The following ZNF880 variants were observed in gnomAD, a reference collection of about 807,000 sequenced individuals.
ZNF880 encodes the protein zinc finger protein LOC400713.
ZNF880 carries 12 observed loss-of-function variants against 11.8 expected under a neutral mutation model. The ratio of observed to expected loss-of-function variants is 1.02; its 90% CI spans 0.65 to 1.65. The LOEUF is 1.65. Among genes scored for constraint, ZNF880 ranks in the 40% most tolerant of loss-of-function variants. ZNF880 has a pLI of 0.00. For missense variants in ZNF880, 601 were observed against 673.9 expected (o/e 0.89, Z 1.20); for synonymous variants, 210 against 232.4 (o/e 0.90, Z 0.88).
At chr19:52,390,336 AG>A, downstream of ZNF880, 1 of 424,414 alleles carries the variant, frequency 2.4e-6, no homozygotes, top group Non-Finnish European at 4.8e-6. Context: ...CCCCAGTCCC[AG>A]GGAGGCCGTG....
downstream of ZNF880, chr19:52,390,406 T>C: frequency 2.8e-6 from 1 of 355,254 alleles, no homozygotes; most frequent in Non-Finnish European, 5.8e-6. Context: ...TTCTCCTGCC[T>C]TTTTCCTCCT....
chr19:52,370,104 G>T lies in ZNF880; in HGVS notation c.12+127G>T, dbSNP rs989583435. The T allele has an allele frequency of 9.4e-6, 12 of 1,272,370 alleles. No individual in the cohort carries two copies. The East Asian group carries it at 3.0e-4, about 32-fold the overall frequency. The allele number at this position is 1,272,370 out of a possible 1,614,324, so 78.8% of individuals were successfully genotyped here. ...GCTCCCTCCACCCCGACTAAACTCAGACGTTCTAATGAGAGTCTGGCGGTC... is the reference window on the plus strand; with the variant it reads ...GCTCCCTCCACCCCGACTAAACTCATACGTTCTAATGAGAGTCTGGCGGTC... On this transcript the variant is annotated intron_variant, in intron 1 of 3. Transcript: ENST00000422689.
intron 3 of ZNF880, among the ~76,000 whole-genome samples, chr19:52,375,724 A>G (rs1305540950): frequency 6.6e-6 from 1 of 151,426 alleles, no homozygotes; most frequent in East Asian, 2.0e-4. Flanking sequence ...ACTCCCACTT[A>G]TGAGTGAGAA....
upstream of ZNF880, among the ~76,000 whole-genome samples, chr19:52,369,633 G>C (rs1442859664): frequency 1.3e-5 from 2 of 152,040 alleles, no homozygotes; most frequent in Non-Finnish European, 2.9e-5. Context: ...TCCACCTCAT[G>C]GGCTCAAGCG....
rs1259364241 is a variant in ZNF880, at chr19:52,385,031, G to T, written c.1451G>T (p.Arg484Ile). Residue 484 changes from arginine (R) to isoleucine (I), a missense_variant, in exon 4 of 4, where the codon AGA becomes ATA. Arg to Ile is a moderately conservative substitution (Grantham distance 97). Coordinates refer to ENST00000422689, the MANE Select transcript of ZNF880 (RefSeq NM_001145434.2). ...AATTCAAACCTTGCAAATCATCACA[G>T]AATCCATACTGGAGAGAAACCTTAC... ...TRNSNLANHH[R>I]IHTGEKPYKC... 1.3e-6 allele frequency: 2 copies of T among 1,569,566 alleles called. No homozygotes were observed. Among genetic ancestry groups the T allele is most frequent in the African/African-American group, 2.7e-5 (2 of 73,712 alleles).
In ZNF880 at chr19:52,373,684, T is replaced by G. The variant is rs564134890; in HGVS notation, c.139+447T>G. ...AAATACTGTAATTTTTTTTTTTTTT[T>G]TTTTTTTTGAGACAGAGTCTCCCTG... On this transcript the variant is annotated intron_variant, in intron 2 of 3. Transcript: ENST00000422689. Among the ~76,000 whole-genome samples the G allele has an allele frequency of 3.2e-4, 48 of 147,698 alleles. 1 individual carries two copies. The highest frequency in any genetic ancestry group is 1.2e-3 in the African/African-American group (46 of 39,998).
chr19:52,370,017 G>A, intron 1 of ZNF880, 40 bp downstream of exon 1: 1 of 1,551,466 alleles, frequency 6.4e-7, no homozygotes, highest in South Asian at 1.2e-5. Context: ...GGGATGCTGA[G>A]TCCCCTCGCG....
At chr19:52,370,951 AAAG>A (rs1399242614) in intron 1 of ZNF880, among the ~76,000 whole-genome samples, 1 of 152,174 alleles carries the variant, frequency 6.6e-6, no homozygotes, top group Non-Finnish European at 1.5e-5. Flanking sequence ...AATATCTAAA[AAAG>A]AGGTTATTGA....
At chr19:52,367,444 T>C (rs963843094), upstream of ZNF880, 10 of 152,196 alleles carry the variant, frequency 6.6e-5, no homozygotes, top group African/African-American at 2.4e-4. Flanking sequence ...TTTTTCTTAG[T>C]GTGAATGAAT....
Position 52,383,775 on chromosome 19 carries a change from A to G in ZNF880, c.269-74A>G, listed in dbSNP as rs894764881. The G allele has an allele frequency of 9.8e-6, 14 of 1,422,294 alleles. 1 individual carries two copies. The South Asian group carries it at 1.9e-4, about 20-fold the overall frequency. 88.1% of individuals were successfully genotyped at this position (1,422,294 alleles called of 1,614,324 possible). A position where few individuals can be genotyped will look rare whatever the true frequency, so the allele number is the denominator to read the frequency against. The stretch of plus-strand genomic sequence containing the variant: ...CCATGTCTGAGTCAGGTGAGGCAGA[A>G]TCTAGTCTCTCTGTCAGACACTGAA... On this transcript the variant is annotated intron_variant, in intron 3 of 3. Coordinates refer to ENST00000422689, the MANE Select transcript of ZNF880 (RefSeq NM_001145434.2).
intron 3 of ZNF880, among the ~76,000 whole-genome samples, chr19:52,375,007 G>C (rs1986511407): frequency 6.6e-6 from 1 of 151,888 alleles, no homozygotes; most frequent in East Asian, 1.9e-4. Context: ...AACGTGCTTG[G>C]ATTGCAGGCA....
At chr19:52,386,027 T>A (rs1986875586), downstream of ZNF880, among the ~76,000 whole-genome samples, 1 of 141,812 alleles carries the variant, frequency 7.1e-6, no homozygotes, top group African/African-American at 2.8e-5. Context: ...TACAAAAAAT[T>A]AGCCAGGCAT....
intron 2 of ZNF880, among the ~76,000 whole-genome samples, chr19:52,374,027 A>G (rs1043670231): frequency 1.1e-4 from 17 of 151,670 alleles, no homozygotes; most frequent in Non-Finnish European, 1.8e-4. Context: ...TGGGGCTTGC[A>G]TTTTGGAGAT....
chr19:52,379,407 T>C (rs779483030), intron 3 of ZNF880: 16 of 427,926 alleles, frequency 3.7e-5, no homozygotes, highest in South Asian at 2.5e-4. Context: ...TTTTTCTTTT[T>C]TTTTTTTTGA....
intron 1 of ZNF880, among the ~76,000 whole-genome samples, chr19:52,371,331 G>T (rs1986364308): frequency 2.0e-5 from 3 of 151,754 alleles, no homozygotes; most frequent in Admixed American, 2.0e-4. Context: ...TTTTGATGCT[G>T]ATCTGTTATT....
intron 3 of ZNF880, among the ~76,000 whole-genome samples, chr19:52,382,109 A>G (rs949802448): frequency 6.6e-6 from 1 of 152,100 alleles, no homozygotes; most frequent in African/African-American, 2.4e-5. Flanking sequence ...CCCCGTCTCT[A>G]CTAAAAATAC....
At chr19:52,387,781 A>G (rs1406885204), downstream of ZNF880, among the ~76,000 whole-genome samples, 1 of 142,982 alleles carries the variant, frequency 7.0e-6, no homozygotes, top group Non-Finnish European at 1.5e-5. Flanking sequence ...AAGTATGTTA[A>G]TAAGAGTGAA....
intron 3 of ZNF880, 106 bp downstream of exon 3, chr19:52,374,533 A>T (rs1986498505): frequency 1.5e-6 from 2 of 1,376,460 alleles, no homozygotes; most frequent in African/African-American, 2.9e-5. Flanking sequence ...CATCAGTGGC[A>T]ATCGTGGCTT....
intron 3 of ZNF880, among the ~76,000 whole-genome samples, chr19:52,381,957 G>A (rs1952965201): frequency 1.3e-5 from 2 of 152,064 alleles, no homozygotes; most frequent in Admixed American, 1.3e-4. Flanking sequence ...AAAAAGCAGG[G>A]ATTCTTAAGG....
Sources: gnomAD v4.1 joint callset for allele counts (sites outside exome capture counted in the v4.1 genomes callset) on GRCh38, gnomAD v4.1.1 for gene constraint, MANE v1.5 for transcripts, NCBI Gene and HGNC (gene_info 2026-07-23, HGNC 2026-07-21) for gene names.